The following CTNNA3 variants were observed in gnomAD, a reference collection of about 807,000 sequenced individuals.
The protein encoded by CTNNA3 is catenin alpha 3.
A neutral mutation model predicts 95.7 loss-of-function variants in CTNNA3; 76 were observed. The observed-to-expected ratio is 0.79, with a 90% CI of 0.66 to 0.96. The LOEUF is 0.96. CTNNA3 is among the 40% of genes least tolerant of loss of function. The pLI is 0.00. For synonymous variants in CTNNA3, 431 were observed against 374.4 expected (o/e 1.15, Z -1.74); for missense variants, 1,191 against 1,089.8 (o/e 1.09, Z -1.31).
intron 2 of CTNNA3, among the ~76,000 whole-genome samples, chr10:67,630,746 C>T (rs1231015726): frequency 1.3e-5 from 2 of 152,168 alleles, no homozygotes; most frequent in African/African-American, 4.8e-5. Flanking sequence ...TCTAGATTTA[C>T]TTCTTGAAAA....
At chr10:65,962,468 T>A (rs2133244269) in intron 17 of CTNNA3, among the ~76,000 whole-genome samples, 1 of 152,332 alleles carries the variant, frequency 6.6e-6, no homozygotes, top group South Asian at 2.1e-4. Flanking sequence ...TAAACATATT[T>A]TCCTCAGAAT....
Position 67,350,404 on chromosome 10 carries a change from A to C in CTNNA3, c.580-130534T>G, listed in dbSNP as rs574662792. On this transcript the variant is annotated intron_variant, in intron 5 of 17. Coordinates refer to ENST00000433211, the MANE Select transcript of CTNNA3 (RefSeq NM_013266.4). ...TGCTTTCATTTAATGTTAATTAGTA[A>C]AAGTTCAGTCCTAATCCACAATAAT... 2.4e-3 allele frequency among the ~76,000 whole-genome samples: 359 copies of C among 152,096 alleles called. 1 individual carries two copies. The highest frequency in any genetic ancestry group is 0.01 in the Middle Eastern group (3 of 294).
chr10:67,562,649 C>A (rs1841563950), intron 3 of CTNNA3, among the ~76,000 whole-genome samples: 1 of 152,122 alleles, frequency 6.6e-6, no homozygotes, highest in Non-Finnish European at 1.5e-5. Flanking sequence ...GGCAATCAGG[C>A]AGGAGAAGTA....
intron 5 of CTNNA3, among the ~76,000 whole-genome samples, chr10:67,404,819 G>A (rs772405249): frequency 5.9e-5 from 9 of 152,100 alleles, no homozygotes; most frequent in Non-Finnish European, 8.8e-5. Flanking sequence ...AAAGAAAGGC[G>A]AGGCCACCTA....
chr10:65,985,170 A>G (rs1006976451), intron 16 of CTNNA3, among the ~76,000 whole-genome samples: 2 of 151,048 alleles, frequency 1.3e-5, no homozygotes, highest in Non-Finnish European at 3.0e-5. Context: ...GAGAGTATAA[A>G]CATAGTGAAC....
intron 10 of CTNNA3, among the ~76,000 whole-genome samples, chr10:66,574,634 CCT>C (rs1044239283): frequency 2.6e-5 from 4 of 151,166 alleles, no homozygotes; most frequent in African/African-American, 4.9e-5. Context: ...TTTTTTTTCC[CCT>C]CTTTAAATGT....
intron 2 of CTNNA3, among the ~76,000 whole-genome samples, chr10:67,635,180 T>C (rs898155099): frequency 6.6e-6 from 1 of 152,004 alleles, no homozygotes; most frequent in Non-Finnish European, 1.5e-5. Flanking sequence ...CAGCAATAAA[T>C]AGCCTACCAA....
intron 13 of CTNNA3, among the ~76,000 whole-genome samples, chr10:66,120,013 A>G (rs1289516456): frequency 6.6e-6 from 1 of 152,180 alleles, no homozygotes; most frequent in Non-Finnish European, 1.5e-5. Context: ...TCAACTCTGA[A>G]TATACACTAT....
intron 11 of CTNNA3, among the ~76,000 whole-genome samples, chr10:66,495,565 A>C (rs16923179): frequency 0.045 from 6,919 of 152,252 alleles, 472 homozygotes; most frequent in East Asian, 0.32. Context: ...TCATAACACA[A>C]AAGTATCTAC....
At chr10:66,363,709 T>C (rs910626230) in intron 12 of CTNNA3, among the ~76,000 whole-genome samples, 4 of 152,252 alleles carry the variant, frequency 2.6e-5, no homozygotes, top group African/African-American at 9.6e-5. Context: ...TCAGTATTGG[T>C]TGTTTTCTGT....
chr10:66,771,758 C>T (rs143079073), intron 8 of CTNNA3, among the ~76,000 whole-genome samples: 56 of 152,162 alleles, frequency 3.7e-4, no homozygotes, highest in African/African-American at 1.3e-3. Flanking sequence ...TGGTAGAGAG[C>T]TTTGCAAAGC....
In CTNNA3 at chr10:66,184,510, C is replaced by T. The variant is rs1360815871; in HGVS notation, c.1885-81261G>A. ...GAAAGAGATAAATCCCTTTATTATA[C>T]AAATAACCAATTTTTTTCAGCATCA... On this transcript the variant is annotated intron_variant, in intron 13 of 17. Coordinates refer to ENST00000433211, the MANE Select transcript of CTNNA3 (RefSeq NM_013266.4). 2.0e-5 allele frequency among the ~76,000 whole-genome samples: 3 copies of T among 152,014 alleles called. No individual in the cohort carries two copies. The East Asian group carries it at 5.8e-4, about 29-fold the overall frequency.
chr10:66,287,360 A>C (rs1357178594), intron 12 of CTNNA3, among the ~76,000 whole-genome samples: 1 of 152,106 alleles, frequency 6.6e-6, no homozygotes, highest in Non-Finnish European at 1.5e-5. Flanking sequence ...TCTTGTACTC[A>C]GCCACTTCTA....
At chr10:67,758,159 G>A (rs1283449318) in intron 1 of CTNNA3, among the ~76,000 whole-genome samples, 1 of 152,000 alleles carries the variant, frequency 6.6e-6, no homozygotes, top group South Asian at 2.1e-4. Flanking sequence ...TGAGCTTTCA[G>A]ACCCGAACTG....
chr10:66,466,826 T>C (rs568584652), intron 11 of CTNNA3, among the ~76,000 whole-genome samples: 1 of 152,276 alleles, frequency 6.6e-6, no homozygotes, highest in African/African-American at 2.4e-5. Flanking sequence ...AGGTGATTCA[T>C]GTGCATGTCA....
At chr10:66,369,907 AC>A (rs1170189935) in intron 12 of CTNNA3, among the ~76,000 whole-genome samples, 1 of 151,978 alleles carries the variant, frequency 6.6e-6, no homozygotes, top group Non-Finnish European at 1.5e-5. Context: ...CATTGTAACC[AC>A]CCCCACCCAA....
intron 6 of CTNNA3, among the ~76,000 whole-genome samples, chr10:67,185,475 C>A (rs1444514801): frequency 6.6e-6 from 1 of 151,838 alleles, no homozygotes; most frequent in African/African-American, 2.4e-5. Flanking sequence ...ATTTTTCTGT[C>A]TTACATGGGC....
At chr10:66,878,540 A>T (rs1844717123) in intron 7 of CTNNA3, among the ~76,000 whole-genome samples, 2 of 152,200 alleles carry the variant, frequency 1.3e-5, no homozygotes, top group Non-Finnish European at 1.5e-5. Flanking sequence ...TCTTCCTTTT[A>T]TTACTTTTTC....
chr10:67,292,444 T>C (rs1839875856), intron 5 of CTNNA3, among the ~76,000 whole-genome samples: 1 of 152,070 alleles, frequency 6.6e-6, no homozygotes, highest in Admixed American at 6.6e-5. Context: ...ATCCAGACAA[T>C]TCTCCACAAT....
Sources: gnomAD v4.1 joint callset for allele counts (sites outside exome capture counted in the v4.1 genomes callset) on GRCh38, gnomAD v4.1.1 for gene constraint, MANE v1.5 for transcripts, NCBI Gene and HGNC (gene_info 2026-07-23, HGNC 2026-07-21) for gene names.